The following SOX5 variants were observed in gnomAD, a reference collection of about 807,000 sequenced individuals.
SOX5 encodes the protein transcription factor SOX-5.
SOX5 carries 9 observed loss-of-function variants against 92.0 expected under a neutral mutation model. The ratio of observed to expected loss-of-function variants is 0.10; its 90% CI spans 0.06 to 0.17. The LOEUF (loss-of-function observed/expected upper bound fraction) is 0.17, where lower values mean the gene tolerates loss of function less well. Ranked by LOEUF, SOX5 falls within the 10% of genes least tolerant of loss-of-function variation. The pLI, the probability that SOX5 is intolerant of heterozygous loss-of-function variation, is 1.00. For missense variants in SOX5, 642 were observed against 944.5 expected (o/e 0.68, Z 4.20); for synonymous variants, 344 against 336.3 (o/e 1.02, Z -0.25).
At chr12:24,033,742 G>A (rs188291551) in intron 4 of SOX5, among the ~76,000 whole-genome samples, 1 of 152,080 alleles carries the variant, frequency 6.6e-6, no homozygotes, top group Admixed American at 6.6e-5. Flanking sequence ...CCGTCTGTAG[G>A]TAGAACAAAT....
chr12:23,928,126 AC>A (rs1419585711), intron 1 of SOX5, among the ~76,000 whole-genome samples: 1 of 152,068 alleles, frequency 6.6e-6, no homozygotes, highest in Admixed American at 6.6e-5. Flanking sequence ...AAATAAGGTA[AC>A]AAAACCTGAA....
chr12:23,919,938 T>C (rs1490147994), intron 1 of SOX5: 1 of 152,196 alleles, frequency 6.6e-6, no homozygotes, highest in East Asian at 1.9e-4. Context: ...GAGAGACTTT[T>C]GGATAATTTG....
At chr12:23,773,775 G>C (rs1279793785) in intron 3 of SOX5, among the ~76,000 whole-genome samples, 1 of 151,966 alleles carries the variant, frequency 6.6e-6, no homozygotes, top group African/African-American at 2.4e-5. Flanking sequence ...AAAGACACCA[G>C]TCAAAAAAAT....
chr12:24,041,026 C>T (rs551963473), intron 4 of SOX5, among the ~76,000 whole-genome samples: 2 of 152,228 alleles, frequency 1.3e-5, no homozygotes, highest in African/African-American at 4.8e-5. Flanking sequence ...AAGTTAAATA[C>T]AACTCTAAAT....
chr12:24,459,252 GCTCCATC>G (rs1333056517), intron 1 of SOX5, among the ~76,000 whole-genome samples: 2 of 152,184 alleles, frequency 1.3e-5, no homozygotes, highest in African/African-American at 4.8e-5. Context: ...TCTTGCGCAC[GCTCCATC>G]AAGTGATGGA....
At chr12:23,639,141 C>T (rs1378950894) in intron 8 of SOX5, among the ~76,000 whole-genome samples, 1 of 151,796 alleles carries the variant, frequency 6.6e-6, no homozygotes, top group Non-Finnish European at 1.5e-5. Context: ...TGTTCAGTGA[C>T]AAAATTGTTT....
intron 1 of SOX5, among the ~76,000 whole-genome samples, chr12:24,385,635 C>A (rs1013674111): frequency 6.6e-6 from 1 of 152,014 alleles, no homozygotes; most frequent in South Asian, 2.1e-4. Flanking sequence ...ATGCTGAGTA[C>A]GCTTTAAATT....
chr12:24,078,964 G>A (rs927333196), intron 4 of SOX5, among the ~76,000 whole-genome samples: 30 of 151,604 alleles, frequency 2.0e-4, no homozygotes, highest in Admixed American at 1.2e-3. Context: ...CATCAATGTC[G>A]TGAAACCATC....
chr12:23,867,228 A>G (rs1470180868), intron 2 of SOX5, among the ~76,000 whole-genome samples: 1 of 152,150 alleles, frequency 6.6e-6, no homozygotes, highest in Non-Finnish European at 1.5e-5. Flanking sequence ...ACATAGTTCC[A>G]TTAGTCCATT....
At chr12:23,797,347 A>G (rs2095582713) in intron 3 of SOX5, among the ~76,000 whole-genome samples, 1 of 152,036 alleles carries the variant, frequency 6.6e-6, no homozygotes, top group Non-Finnish European at 1.5e-5. Flanking sequence ...GCCATATAAT[A>G]TGCTTTTATT....
At chr12:24,105,961 T>A (rs1245046573) in intron 4 of SOX5, among the ~76,000 whole-genome samples, 1 of 152,190 alleles carries the variant, frequency 6.6e-6, no homozygotes, top group African/African-American at 2.4e-5. Context: ...ATATCTTCCT[T>A]ACAAACGTGT....
chr12:23,607,050 C>A (rs1394401680), intron 8 of SOX5, among the ~76,000 whole-genome samples: 3 of 152,112 alleles, frequency 2.0e-5, no homozygotes, highest in Admixed American at 6.6e-5. Flanking sequence ...TTCTCTCCCC[C>A]AAATTGCCCA....
At chr12:24,475,389 G>A (rs1369093465) in intron 1 of SOX5, among the ~76,000 whole-genome samples, 4 of 152,178 alleles carry the variant, frequency 2.6e-5, no homozygotes, top group South Asian at 2.1e-4. Context: ...CAGGAATCGT[G>A]TACTGTTCAT....
chr12:24,304,946 C>T (rs1948405663), intron 2 of SOX5, among the ~76,000 whole-genome samples: 1 of 152,112 alleles, frequency 6.6e-6, no homozygotes, highest in Admixed American at 6.5e-5. Context: ...AGTCTTGCTA[C>T]CACAACACAA....
chr12:23,635,996 T>C (rs540941070), intron 8 of SOX5, among the ~76,000 whole-genome samples: 2 of 152,224 alleles, frequency 1.3e-5, no homozygotes, highest in East Asian at 1.9e-4. Flanking sequence ...GACCAAAGAA[T>C]AAGGAAGTCT....
At chr12:23,808,094 T>C (rs1319364616) in intron 3 of SOX5, among the ~76,000 whole-genome samples, 1 of 145,972 alleles carries the variant, frequency 6.9e-6, no homozygotes, top group African/African-American at 2.5e-5. Context: ...AAGGCATCCT[T>C]GTTTTCCCTT....
chr12:23,663,138 A>C (rs2083293304), intron 7 of SOX5, among the ~76,000 whole-genome samples: 1 of 152,078 alleles, frequency 6.6e-6, no homozygotes, highest in African/African-American at 2.4e-5. Flanking sequence ...CTGAGTCAAA[A>C]CGCCAGGGGT....
chr12:23,907,967 T>G (rs1422284950), intron 1 of SOX5, among the ~76,000 whole-genome samples: 1 of 152,162 alleles, frequency 6.6e-6, no homozygotes, highest in African/African-American at 2.4e-5. Context: ...CCCTGACTTC[T>G]TATCTGGGAT....
At chr12:24,396,713 A>G (rs1407308597) in intron 1 of SOX5, among the ~76,000 whole-genome samples, 1 of 152,176 alleles carries the variant, frequency 6.6e-6, no homozygotes, top group Non-Finnish European at 1.5e-5. Flanking sequence ...TTGCACCCAA[A>G]ATGGATGTGT....
Sources: allele counts gnomAD v4.1 joint callset (sites outside exome capture counted in the v4.1 genomes callset), GRCh38; gene constraint gnomAD v4.1.1; transcripts MANE v1.5; gene names NCBI Gene and HGNC (gene_info 2026-07-23, HGNC 2026-07-21).